The following ITPR1 variants were observed in gnomAD, a reference collection of about 807,000 sequenced individuals.
ITPR1 encodes the protein inositol 1,4,5-trisphosphate receptor type 1.
Under a neutral mutation model 318.4 loss-of-function variants are expected in ITPR1, and 96 were observed. That is an observed-to-expected ratio of 0.30 (90% confidence interval 0.26 to 0.36). ITPR1 has a LOEUF of 0.36. ITPR1 is among the 10% of genes least tolerant of loss of function. The probability of loss-of-function intolerance (pLI) is 1.00; values close to 1 mark genes in which losing one functional copy is unlikely to be tolerated. For missense variants in ITPR1, 2,440 were observed against 3,460.2 expected (o/e 0.71, Z 7.40); for synonymous variants, 1,312 against 1,289.9 (o/e 1.02, Z -0.37).
At chr3:4,642,302 A>G (rs2093355594) in intron 7 of ITPR1, 51 bp downstream of exon 7, 3 of 1,409,040 alleles carry the variant, frequency 2.1e-6, no homozygotes, top group Non-Finnish European at 2.8e-6. Context: ...GCTTCCAAGC[A>G]TGACTGTATA....
At chr3:4,515,950 G>A (rs1029093714) in intron 2 of ITPR1, among the ~76,000 whole-genome samples, 1 of 152,184 alleles carries the variant, frequency 6.6e-6, no homozygotes, top group Non-Finnish European at 1.5e-5. Flanking sequence ...GGAAATTTGT[G>A]GTATTTATTG....
At chr3:4,652,606 A>G (rs563806758) in intron 11 of ITPR1, among the ~76,000 whole-genome samples, 1 of 152,354 alleles carries the variant, frequency 6.6e-6, no homozygotes, top group East Asian at 1.9e-4. Flanking sequence ...ACTAAGACGT[A>G]TAAGGAATTA....
At chr3:4,796,394 G>T (rs1310350277) in intron 53 of ITPR1, among the ~76,000 whole-genome samples, 1 of 151,906 alleles carries the variant, frequency 6.6e-6, no homozygotes, top group Non-Finnish European at 1.5e-5. Context: ...TTTCTCTTTG[G>T]GGATGTCCAC....
At chr3:4,705,249 G>C (rs1300636031) in intron 36 of ITPR1, among the ~76,000 whole-genome samples, 1 of 151,976 alleles carries the variant, frequency 6.6e-6, no homozygotes, top group Non-Finnish European at 1.5e-5. Flanking sequence ...TTTTATTTTG[G>C]AATAATTTCA....
Position 4,681,620 on chromosome 3 carries a change from A to AGC in ITPR1, c.3161+203_3161+204insCG, listed in dbSNP as rs1459900591. ...GAGAGAGAGTGAGAGAGAGAGAGAG[A>AGC]GAAAGTGTGTGTGTGTGTGTGTGTG... On this transcript the variant is annotated intron_variant, in intron 26 of 61. Coordinates refer to ENST00000649015, the MANE Select transcript of ITPR1 (RefSeq NM_001378452.1). Among the ~76,000 whole-genome samples the AGC allele has an allele frequency of 1.9e-4, 20 of 107,330 alleles. 1 individual carries two copies. The East Asian group carries it at 2.7e-3, about 15-fold the overall frequency. The allele number at this position is 107,330 out of a possible 152,430, so 70.4% of individuals were successfully genotyped here.
In ITPR1 at chr3:4,706,396, G is replaced by A. The variant is rs762571587; in HGVS notation, c.4842+45G>A. Reference sequence around the variant, plus strand: ...GAAGTGATGCTTAGCCTGGCCTCACGTGATTGCCACACACAGCAGTGCATC... The same window carrying A: ...GAAGTGATGCTTAGCCTGGCCTCACATGATTGCCACACACAGCAGTGCATC... On this transcript the variant is annotated intron_variant, in intron 37 of 61. Transcript: ENST00000649015. The A allele has an allele frequency of 2.2e-5, 33 of 1,524,846 alleles. No homozygotes were observed. The East Asian group carries it at 3.2e-4, about 15-fold the overall frequency. The allele number at this position is 1,524,846 out of a possible 1,614,324, so 94.5% of individuals were successfully genotyped here. A position where few individuals can be genotyped will look rare whatever the true frequency, so the allele number is the denominator to read the frequency against.
At chr3:4,539,368 A>G (rs1460141700) in intron 4 of ITPR1, among the ~76,000 whole-genome samples, 1 of 152,150 alleles carries the variant, frequency 6.6e-6, no homozygotes, top group East Asian at 1.9e-4. Flanking sequence ...TGCATGTTCT[A>G]CTGTGCTTGA....
chr3:4,738,512 G>A (rs1250933069), intron 44 of ITPR1, among the ~76,000 whole-genome samples: 2 of 152,218 alleles, frequency 1.3e-5, no homozygotes, highest in Non-Finnish European at 2.9e-5. Context: ...TCTGGGCTTG[G>A]CATCGGGATG....
At chr3:4,660,111 C>T (rs2093800506) in intron 13 of ITPR1, among the ~76,000 whole-genome samples, 1 of 152,188 alleles carries the variant, frequency 6.6e-6, no homozygotes, top group Non-Finnish European at 1.5e-5. Context: ...CTCTCACCAA[C>T]CATACATAGG....
intron 61 of ITPR1, among the ~76,000 whole-genome samples, chr3:4,844,626 T>C (rs561039054): frequency 2.0e-5 from 3 of 152,242 alleles, no homozygotes; most frequent in Non-Finnish European, 4.4e-5. Flanking sequence ...TCATGTGTCA[T>C]ATTAGGTTCT....
At chr3:4,502,350 C>A (rs551533556) in intron 2 of ITPR1, among the ~76,000 whole-genome samples, 1 of 152,270 alleles carries the variant, frequency 6.6e-6, no homozygotes, top group South Asian at 2.1e-4. Flanking sequence ...GAATACCTGG[C>A]ACACAGGAAG....
chr3:4,689,443 T>C (rs1190878888), intron 31 of ITPR1, among the ~76,000 whole-genome samples: 2 of 152,344 alleles, frequency 1.3e-5, no homozygotes, highest in East Asian at 3.9e-4. Context: ...TCAAAACTTT[T>C]GAGTGCCAGT....
At chr3:4,793,553 G>C (rs749246810) in intron 52 of ITPR1, among the ~76,000 whole-genome samples, 1 of 152,220 alleles carries the variant, frequency 6.6e-6, no homozygotes, top group Non-Finnish European at 1.5e-5. Flanking sequence ...AATAGCTGTT[G>C]TTTCTAGAGC....
At chr3:4,612,753 G>A (rs778272339) in intron 4 of ITPR1, among the ~76,000 whole-genome samples, 1 of 152,072 alleles carries the variant, frequency 6.6e-6, no homozygotes. Context: ...CAGGTGTGGT[G>A]GTGGGGGCCT....
At chr3:4,519,289 C>T (rs1317559537) in intron 3 of ITPR1, among the ~76,000 whole-genome samples, 2 of 152,036 alleles carry the variant, frequency 1.3e-5, no homozygotes, top group Non-Finnish European at 2.9e-5. Context: ...TGCAGTGGCA[C>T]GATCTTGGCT....
chr3:4,675,201 C>T lies in ITPR1; in HGVS notation c.2732C>T (p.Ala911Val), dbSNP rs201519806. ...ACAATCTTCCCCATTAGCAAGATGGCGAAAGGAGAAGAGAATAAAGGTAAC... is the reference window on the plus strand; with the variant it reads ...ACAATCTTCCCCATTAGCAAGATGGTGAAAGGAGAAGAGAATAAAGGTAAC... ...VTTIFPISKM[A>V]KGEENKGNND... Residue 911 changes from alanine to valine, a missense_variant, in exon 23 of 62, where the codon GCG (alanine) becomes GTG (valine). Physicochemically the swap from Ala to Val is moderately conservative, Grantham distance 64. Transcript: ENST00000649015. 3.2e-4 allele frequency: 521 copies of T among 1,611,800 alleles called. No homozygotes were observed. Among genetic ancestry groups the T allele is most frequent in the Middle Eastern group, 4.9e-4 (3 of 6,080 alleles).
At chr3:4,814,849 C>G (rs1575354474) in intron 58 of ITPR1, 1 of 599,594 alleles carries the variant, frequency 1.7e-6, no homozygotes, top group East Asian at 2.7e-5. Context: ...AGTGAATATC[C>G]CTCCTGGCTG....
At chr3:4,733,700 G>A (rs929820688) in intron 43 of ITPR1, among the ~76,000 whole-genome samples, 3 of 152,158 alleles carry the variant, frequency 2.0e-5, no homozygotes, top group African/African-American at 7.2e-5. Flanking sequence ...GTCTATCCCA[G>A]TTCCACAGAG....
chr3:4,762,397 C>A (rs3792499), intron 44 of ITPR1, among the ~76,000 whole-genome samples: 5 of 152,010 alleles, frequency 3.3e-5, no homozygotes, highest in African/African-American at 1.2e-4. Flanking sequence ...TGAGAAGATT[C>A]GAGTTTCAGA....
Sources: gnomAD v4.1 joint callset for allele counts (sites outside exome capture counted in the v4.1 genomes callset) on GRCh38, gnomAD v4.1.1 for gene constraint, MANE v1.5 for transcripts, NCBI Gene and HGNC (gene_info 2026-07-23, HGNC 2026-07-21) for gene names.